The following KCNG2 variants were observed in gnomAD, a reference collection of about 807,000 sequenced individuals.
KCNG2 encodes the protein voltage-gated potassium channel regulatory subunit KCNG2.
In KCNG2, 7 loss-of-function variants were observed where a neutral mutation model predicts 12.3. The observed-to-expected ratio is 0.57, with a 90% CI of 0.32 to 1.07. The LOEUF is 1.07. KCNG2 is among the 50% of genes least tolerant of loss of function. The probability of loss-of-function intolerance (pLI) is 0.04; values close to 1 mark genes in which losing one functional copy is unlikely to be tolerated. For missense variants in KCNG2, 703 were observed against 726.0 expected, an observed-to-expected ratio of 0.97 and a Z score of 0.36; for synonymous variants, 414 against 351.4, an observed-to-expected ratio of 1.18 and a Z score of -1.99.
chr18:79,857,729 C>A (rs1157793406), intron 2 of KCNG2, among the ~76,000 whole-genome samples: 2 of 148,648 alleles, frequency 1.3e-5, no homozygotes, highest in African/African-American at 2.5e-5. Flanking sequence ...TTACTGGATC[C>A]CCCCGAGACC....
At position 79,840,787 on chromosome 18, in the gene KCNG2, CA is replaced by C. The variant is rs1283555713; in HGVS notation, c.-114-15585del. Among the ~76,000 whole-genome samples the C allele has an allele frequency of 3.3e-5, 5 of 151,900 alleles. No homozygotes were observed. In the East Asian group the frequency reaches 7.7e-4, roughly 23 times the overall value. On this transcript the variant is annotated intron_variant, in intron 1 of 3. Coordinates refer to ENST00000316249, the MANE Select transcript of KCNG2 (RefSeq NM_012283.2). Reference sequence around the variant, plus strand: ...AACAGAGAACCCAGAAATAGATCCACAAAAAAATTCCTGATTAACTTTGACA... The same window carrying C: ...AACAGAGAACCCAGAAATAGATCCACAAAAAATTCCTGATTAACTTTGACA...
intron 1 of KCNG2, among the ~76,000 whole-genome samples, chr18:79,809,481 ACG>A (rs1182879138): frequency 3.0e-5 from 3 of 100,046 alleles, no homozygotes; most frequent in Non-Finnish European, 6.5e-5. Context: ...ACCACACTCC[ACG>A]TTATGGGCCC....
rs1313089797 is a variant in KCNG2, at chr18:79,863,948, G to C, written c.281G>C (p.Arg94Pro). The stretch of plus-strand genomic sequence containing the variant: ...CGCGCAGGGAAGCTGCGACTGCTGC[G>C]GGGCCCGTGCGCGCTGGCCTTCCGC... ...LLRAGKLRLL[R>P]GPCALAFRDE... The change falls in exon 3 of 4, where the codon CGG becomes CCG. Residue 94 changes from arginine (R) to proline (P), a missense_variant. Physicochemically the swap from Arg to Pro is moderately radical, Grantham distance 103. Transcript: ENST00000316249. The C allele has an allele frequency of 2.3e-6, 3 of 1,323,756 alleles. No homozygotes were observed. The highest frequency in any genetic ancestry group is 2.9e-6 in the Non-Finnish European group (3 of 1,030,412). 82.0% of individuals were successfully genotyped at this position (1,323,756 alleles called of 1,614,324 possible). A position where few individuals can be genotyped will look rare whatever the true frequency, so the allele number is the denominator to read the frequency against.
chr18:79,879,472 T>A (rs1254932715), intron 3 of KCNG2, among the ~76,000 whole-genome samples: 1 of 148,420 alleles, frequency 6.7e-6, no homozygotes, highest in East Asian at 2.3e-4. Context: ...GCTGTGTCCA[T>A]GAAACAAGAA....
chr18:79,853,426 T>C (rs1388506238), intron 1 of KCNG2, among the ~76,000 whole-genome samples: 1 of 152,032 alleles, frequency 6.6e-6, no homozygotes, highest in Non-Finnish European at 1.5e-5. Context: ...GAGGAATGGC[T>C]GTGCTGAGGC....
intron 1 of KCNG2, among the ~76,000 whole-genome samples, chr18:79,825,358 AAGTCATCCTACAGCT>A (rs1449839273): frequency 6.6e-6 from 1 of 152,264 alleles, no homozygotes; most frequent in Non-Finnish European, 1.5e-5. Flanking sequence ...AAATATCCCT[AAGTCATCCTACAGCT>A]ATAAGCCTTG....
rs938991496 is a variant in KCNG2 at position 79,803,757 on chromosome 18, G to A, written c.-115+5743G>A. Among the ~76,000 whole-genome samples the A allele has an allele frequency of 1.3e-4, 20 of 152,170 alleles. No individual in the cohort carries two copies. The highest frequency in any genetic ancestry group is 4.3e-4 in the African/African-American group (18 of 41,462). On this transcript the variant is annotated intron_variant, in intron 1 of 3. Coordinates refer to ENST00000316249, the MANE Select transcript of KCNG2 (RefSeq NM_012283.2). This position sits in a 1 kb window ranked among gnomAD's most constrained non-coding sequence, Gnocchi z 4.5. ...CAGCCGGGGCCCTCCTGCGTCTCCC[G>A]ACCACAGGCCCCAGTCCCGGCCAAG...
At chr18:79,854,055 G>A (rs961785651) in intron 1 of KCNG2, among the ~76,000 whole-genome samples, 5 of 152,252 alleles carry the variant, frequency 3.3e-5, no homozygotes, top group Admixed American at 1.3e-4. Context: ...TTCCAACCCC[G>A]TTCTGCAGGC....
chr18:79,845,348 T>C (rs1305706980), intron 1 of KCNG2, among the ~76,000 whole-genome samples: 1 of 152,142 alleles, frequency 6.6e-6, no homozygotes, highest in Non-Finnish European at 1.5e-5. Flanking sequence ...TCTGGATGTG[T>C]CCATGTCGGC....
At chr18:79,866,139 G>GGTGCTGAGAGGTCTGT (rs1979525475) in intron 3 of KCNG2, among the ~76,000 whole-genome samples, 3 of 86,584 alleles carry the variant, frequency 3.5e-5, no homozygotes, top group Non-Finnish European at 8.4e-5. Context: ...CTGAGGTCTG[G>GGTGCTGAGAGGTCTGT]GTGCTGAGAG....
intron 3 of KCNG2, among the ~76,000 whole-genome samples, chr18:79,894,475 A>G (rs1250215799): frequency 6.6e-6 from 1 of 152,098 alleles, no homozygotes; most frequent in Non-Finnish European, 1.5e-5. Context: ...CACTCCATTC[A>G]CTTCTAATGT....
At chr18:79,864,947 G>A (rs1979404465) in intron 3 of KCNG2, among the ~76,000 whole-genome samples, 1 of 149,698 alleles carries the variant, frequency 6.7e-6, no homozygotes, top group African/African-American at 2.5e-5. Context: ...AAGTTTGGGT[G>A]CTGAGTTCTG....
intron 1 of KCNG2, among the ~76,000 whole-genome samples, chr18:79,846,374 CAAAAAAAAAAA>C (rs11421957): frequency 4.9e-5 from 3 of 61,582 alleles, no homozygotes; most frequent in African/African-American, 2.1e-4. Context: ...GACTCCGTCT[CAAAAAAAAAAA>C]AAAAAAAAAA....
intron 2 of KCNG2, among the ~76,000 whole-genome samples, chr18:79,857,565 C>T (rs1194852639): frequency 1.3e-5 from 2 of 152,016 alleles, no homozygotes; most frequent in South Asian, 4.2e-4. Flanking sequence ...CCACCACGCC[C>T]CCTCTTCTCT....
intron 2 of KCNG2, among the ~76,000 whole-genome samples, chr18:79,859,689 T>C (rs1979144379): frequency 6.6e-6 from 1 of 152,234 alleles, no homozygotes; most frequent in African/African-American, 2.4e-5. Context: ...TCCAACTTTA[T>C]TTTTTTACAT....
chr18:79,834,520 T>A (rs1318200370), intron 1 of KCNG2, among the ~76,000 whole-genome samples: 3 of 152,030 alleles, frequency 2.0e-5, no homozygotes, highest in African/African-American at 7.3e-5. Context: ...AAAGACAGTT[T>A]GAGAGAGAAA....
At position 79,877,035 on chromosome 18, in the gene KCNG2, C is replaced by T. The variant is rs1027014004; in HGVS notation, c.624+12744C>T. Among the ~76,000 whole-genome samples the T allele has an allele frequency of 9.2e-5, 14 of 152,336 alleles. 1 individual carries two copies. Among genetic ancestry groups the T allele is most frequent in the Non-Finnish European group, 1.0e-4 (7 of 68,034 alleles). On this transcript the variant is annotated intron_variant, in intron 3 of 3. Transcript: ENST00000316249. ...CTGCTTCGGTGCAGATAATTCCAGG[C>T]GAGCACATTCTAGGCAAAGGCCTGT...
intron 1 of KCNG2, among the ~76,000 whole-genome samples, chr18:79,832,126 G>A (rs552790697): frequency 1.6e-4 from 25 of 152,176 alleles, no homozygotes; most frequent in African/African-American, 5.5e-4. Context: ...ACATCTATCC[G>A]CTGCTCATAG....
chr18:79,829,680 G>T (rs115614137), intron 1 of KCNG2, among the ~76,000 whole-genome samples: 389 of 152,080 alleles, frequency 2.6e-3, no homozygotes, highest in African/African-American at 8.5e-3. Flanking sequence ...TGTCCGGTGG[G>T]CCTCTGCCGC....
Sources: gnomAD v4.1 joint callset for allele counts (sites outside exome capture counted in the v4.1 genomes callset) on GRCh38, gnomAD v4.1.1 for gene constraint, Gnocchi (gnomAD v3.1) non-coding constraint, MANE v1.5 for transcripts, NCBI Gene and HGNC (gene_info 2026-07-23, HGNC 2026-07-21) for gene names.